GPR107: variants seen among roughly 807,000 people sequenced by gnomAD.
The protein encoded by GPR107 is protein GPR107.
In GPR107, 31 loss-of-function variants were observed where a neutral mutation model predicts 75.5. That is an observed-to-expected ratio of 0.41 (90% confidence interval 0.31 to 0.55). The LOEUF is 0.55. Ranked by LOEUF, GPR107 falls within the 20% of genes least tolerant of loss-of-function variation. The pLI is 0.26. For missense variants in GPR107, 572 were observed against 665.7 expected (o/e 0.86, Z 1.55); for synonymous variants, 267 against 251.3 (o/e 1.06, Z -0.59).
intron 13 of GPR107, among the ~76,000 whole-genome samples, chr9:130,106,275 A>G (rs1831152176): frequency 6.6e-6 from 1 of 152,138 alleles, no homozygotes; most frequent in Admixed American, 6.6e-5. Context: ...GAAAAAAGTC[A>G]GTAAGTACTG....
At chr9:130,064,430 G>A in intron 1 of GPR107, among the ~76,000 whole-genome samples, 1 of 149,986 alleles carries the variant, frequency 6.7e-6, no homozygotes, top group Admixed American at 6.7e-5. Flanking sequence ...TCGATCTCCT[G>A]ACCTCATGAT....
At chr9:130,118,589 G>A (rs1022695195) in intron 14 of GPR107, among the ~76,000 whole-genome samples, 3 of 152,178 alleles carry the variant, frequency 2.0e-5, no homozygotes, top group African/African-American at 7.2e-5. Flanking sequence ...GGAGGTAGAG[G>A]AGCCCACAGG....
Position 130,053,955 on chromosome 9 carries a change from G to T in GPR107, c.23G>T (p.Gly8Val). MAALAPV[G>V]SPASRGPRLA... The stretch of plus-strand genomic sequence containing the variant: ...AACATGGCCGCTCTGGCGCCCGTCG[G>T]CTCCCCCGCCTCCCGCGGTCCTAGG... Residue 8 changes from glycine (G) to valine (V), a missense_variant, in exon 1 of 18, where the codon GGC becomes GTC. Gly to Val is a moderately radical substitution (Grantham distance 109). Transcript: ENST00000347136. 1 of 1,555,970 alleles carries T rather than the reference G, an allele frequency of 6.4e-7. No homozygotes were observed. The highest frequency in any genetic ancestry group is 1.2e-5 in the South Asian group (1 of 84,676).
At chr9:130,100,583 C>A in intron 10 of GPR107, 46 bp from the exon 11 acceptor site, 1 of 1,279,970 alleles carries the variant, frequency 7.8e-7, no homozygotes, top group Non-Finnish European at 1.1e-6. Flanking sequence ...CTTTGTGGAG[C>A]CATGTAGATA....
chr9:130,101,501 T>C (rs1406487579), intron 12 of GPR107, among the ~76,000 whole-genome samples: 2 of 152,264 alleles, frequency 1.3e-5, no homozygotes, highest in African/African-American at 2.4e-5. Context: ...CACACAGTAC[T>C]GTTTTCTCTT....
intron 17 of GPR107, among the ~76,000 whole-genome samples, chr9:130,131,586 A>G (rs548302853): frequency 2.0e-5 from 3 of 151,660 alleles, no homozygotes; most frequent in South Asian, 4.2e-4. Context: ...CCCCTCCTGA[A>G]TGCCAGGTCC....
Position 130,124,950 on chromosome 9 carries a change from C to A in GPR107, c.1342C>A (p.His448Asn). 3 of 1,490,366 alleles carry A rather than the reference C, an allele frequency of 2.0e-6. No homozygotes were observed. Among genetic ancestry groups the A allele is most frequent in the Non-Finnish European group, 2.7e-6 (3 of 1,096,832 alleles). The allele number at this position is 1,490,366 out of a possible 1,614,324, so 92.3% of individuals were successfully genotyped here. ...CTTAGCAAAGCTGAAACTTTTCAGA[C>A]ATTATTACGTCTTGGTAAGTAAAAA... ...INLAKLKLFR[H>N]YYVLIVCYIY... The change falls in exon 15 of 18, where the codon CAT (histidine) becomes AAT (asparagine). Residue 448 changes from histidine (H) to asparagine (N), a missense_variant. Coordinates refer to ENST00000347136, the MANE Select transcript of GPR107 (RefSeq NM_020960.5).
intron 5 of GPR107, among the ~76,000 whole-genome samples, chr9:130,080,442 C>G (rs1287932010): frequency 6.6e-6 from 1 of 151,818 alleles, no homozygotes; most frequent in African/African-American, 2.4e-5. Context: ...AAACAAAATC[C>G]TAAAATGAAA....
rs541114315 is a variant in GPR107 at position 130,118,797 on chromosome 9, A to G, written c.1307-6118A>G. Among the ~76,000 whole-genome samples, 16 of 152,274 alleles carry G rather than the reference A, an allele frequency of 1.1e-4. No homozygotes were observed. In the South Asian group the frequency reaches 1.2e-3, roughly 12 times the overall value. ...TCCGATGATTCTGTTGCTCACCCCC[A>G]TTAAGAACCATTGCTATAAAGGAAT... is the stretch of plus-strand genomic sequence containing the variant. On this transcript the variant is annotated intron_variant, in intron 14 of 17. Coordinates refer to ENST00000347136, the MANE Select transcript of GPR107 (RefSeq NM_020960.5).
chr9:130,130,121 G>A (rs979681466), intron 17 of GPR107: 1 of 152,220 alleles, frequency 6.6e-6, no homozygotes, highest in Non-Finnish European at 1.5e-5. Context: ...CTGGGCCTGG[G>A]TATGAGGGCA....
At chr9:130,082,593 C>G (rs1258975834) in intron 5 of GPR107, among the ~76,000 whole-genome samples, 1 of 151,182 alleles carries the variant, frequency 6.6e-6, no homozygotes, top group Non-Finnish European at 1.5e-5. Flanking sequence ...CATTCTCCTG[C>G]CTCAGCCTCC....
chr9:130,070,002 T>TTTTTTTTTTTTTTTTTTTTG (rs1830163932), intron 1 of GPR107, among the ~76,000 whole-genome samples: 1 of 48,940 alleles, frequency 2.0e-5, no homozygotes, highest in Non-Finnish European at 4.4e-5. Flanking sequence ...TTTTTTTTTT[T>TTTTTTTTTTTTTTTTTTTTG]TTTTTTTTTA....
chr9:130,083,487 TA>T, intron 5 of GPR107, 77 bp from the exon 6 acceptor site: 1 of 815,024 alleles, frequency 1.2e-6, no homozygotes, highest in Non-Finnish European at 1.8e-6. Context: ...TGAAGCCTCA[TA>T]AAATGATACT....
chr9:130,116,659 A>G (rs1050429472), intron 14 of GPR107, among the ~76,000 whole-genome samples: 1 of 152,086 alleles, frequency 6.6e-6, no homozygotes, highest in Non-Finnish European at 1.5e-5. Context: ...CCCTTTGCAC[A>G]CCACCTTCTC....
chr9:130,061,935 A>G (rs912685961), intron 1 of GPR107, among the ~76,000 whole-genome samples: 2 of 150,034 alleles, frequency 1.3e-5, no homozygotes, highest in African/African-American at 4.9e-5. Context: ...ACAGGGTGAG[A>G]CTCTGTCTCA....
chr9:130,065,719 A>G (rs910819487), intron 1 of GPR107, among the ~76,000 whole-genome samples: 1 of 148,684 alleles, frequency 6.7e-6, no homozygotes, highest in Admixed American at 6.8e-5. Context: ...GTGAACCAAG[A>G]TGGTGCCCCT....
At chr9:130,095,435 G>A (rs1207878590) in intron 9 of GPR107, among the ~76,000 whole-genome samples, 4 of 151,820 alleles carry the variant, frequency 2.6e-5, no homozygotes, top group African/African-American at 7.3e-5. Context: ...TCGCTCTGTC[G>A]CCAGGCTGGA....
chr9:130,121,639 T>C (rs2034308271), intron 14 of GPR107, among the ~76,000 whole-genome samples: 1 of 152,240 alleles, frequency 6.6e-6, no homozygotes, highest in African/African-American at 2.4e-5. Context: ...TCCACAGCAC[T>C]CTCCGCATTG....
chr9:130,075,144 A>G (rs1830311327), intron 1 of GPR107, among the ~76,000 whole-genome samples: 1 of 152,112 alleles, frequency 6.6e-6, no homozygotes. Flanking sequence ...TTGGAGAAAG[A>G]CATGTTACCA....
Sources: gnomAD v4.1 joint callset for allele counts (sites outside exome capture counted in the v4.1 genomes callset) on GRCh38, gnomAD v4.1.1 for gene constraint, MANE v1.5 for transcripts, NCBI Gene and HGNC (gene_info 2026-07-23, HGNC 2026-07-21) for gene names.